Variants in RANBP2 observed in about 807,000 individuals in gnomAD.
RANBP2 encodes E3 SUMO-protein ligase RanBP2.
In RANBP2, 57 loss-of-function variants were observed where a neutral mutation model predicts 303.6. That is an observed-to-expected ratio of 0.19 (90% CI 0.15 to 0.23). The LOEUF (loss-of-function observed/expected upper bound fraction) is 0.23, where lower values mean the gene tolerates loss of function less well. Ranked by LOEUF, RANBP2 falls within the 10% of genes least tolerant of loss-of-function variation. RANBP2 has a pLI of 1.00. For synonymous variants in RANBP2, 1,167 were observed against 1,301.5 expected, an observed-to-expected ratio of 0.90 and a Z score of 2.23; for missense variants, 3,138 against 3,780.8, an observed-to-expected ratio of 0.83 and a Z score of 4.46.
the RANBP2 span, among the ~76,000 whole-genome samples, chr2:108,973,028 C>T: frequency 1.3e-5 from 2 of 152,010 alleles, no homozygotes; most frequent in African/African-American, 4.8e-5. Flanking sequence ...CTCTTGTCAT[C>T]CAGGCTAGAC....
At chr2:109,372,151 G>A in the RANBP2 span, among the ~76,000 whole-genome samples, 9 of 152,226 alleles carry the variant, frequency 5.9e-5, no homozygotes, top group Admixed American at 2.0e-4. Context: ...CAGGGTTATT[G>A]GGCAACTCTT....
chr2:109,015,498 C>T, the RANBP2 span, among the ~76,000 whole-genome samples: 1 of 152,162 alleles, frequency 6.6e-6, no homozygotes, highest in African/African-American at 2.4e-5. Context: ...TGGCTCATGC[C>T]TGTATTCCCA....
chr2:109,573,502 A>G, the RANBP2 span, among the ~76,000 whole-genome samples: 2 of 152,170 alleles, frequency 1.3e-5, no homozygotes, highest in Non-Finnish European at 2.9e-5. Flanking sequence ...AGCTACATCA[A>G]TTTTTGCTAA....
the RANBP2 span, among the ~76,000 whole-genome samples, chr2:108,992,343 G>C: frequency 2.0e-5 from 3 of 152,206 alleles, no homozygotes; most frequent in African/African-American, 7.2e-5. Context: ...GAGGCATAGA[G>C]TAATCAAGTT....
chr2:108,764,671 C>T lies in RANBP2; in HGVS notation c.4132C>T (p.Leu1378=). ...TAKKCVSCQN[L]NPSNKELVGP... is the part of the protein sequence containing the mutation. ...TAAGAAATGTGTATCATGCCAAAATCTAAACCCAAGCAATAAAGAGCTCGT... is the reference window on the plus strand; with the variant it reads ...TAAGAAATGTGTATCATGCCAAAATTTAAACCCAAGCAATAAAGAGCTCGT... The change falls in exon 20 of 29, where the codon CTA becomes TTA. Residue 1378 remains leucine (L), a synonymous_variant. Transcript: ENST00000283195. 2.5e-6 allele frequency: 4 copies of T among 1,614,038 alleles called. No individual in the cohort carries two copies. Among genetic ancestry groups the T allele is most frequent in the Non-Finnish European group, 3.4e-6 (4 of 1,179,966 alleles).
At chr2:109,625,269 C>A in the RANBP2 span, among the ~76,000 whole-genome samples, 1 of 151,904 alleles carries the variant, frequency 6.6e-6, no homozygotes, top group Admixed American at 6.6e-5. Flanking sequence ...TTTGTAATAG[C>A]AGCAGAAAAG....
At chr2:109,345,898 TTA>T in the RANBP2 span, among the ~76,000 whole-genome samples, 7 of 152,314 alleles carry the variant, frequency 4.6e-5, no homozygotes, top group African/African-American at 1.7e-4. Flanking sequence ...TCTTTACTTG[TTA>T]CATGTTGGTA....
the RANBP2 span, among the ~76,000 whole-genome samples, chr2:109,045,918 C>T: frequency 1.3e-5 from 2 of 152,180 alleles, no homozygotes; most frequent in African/African-American, 2.4e-5. Flanking sequence ...GGGTGTGGGG[C>T]TCTGGACAAG....
At chr2:109,477,616 GTGT>G in the RANBP2 span, among the ~76,000 whole-genome samples, 4 of 32,620 alleles carry the variant, frequency 1.2e-4, no homozygotes, top group South Asian at 8.3e-4. Flanking sequence ...ACAGATGGGT[GTGT>G]GTGTGTGTGT....
intron 1 of RANBP2, among the ~76,000 whole-genome samples, chr2:108,726,412 CT>C (rs1010241856): frequency 8.7e-5 from 13 of 149,540 alleles, no homozygotes; most frequent in Non-Finnish European, 1.5e-4. Context: ...ATAGTGCTTC[CT>C]TTAAGTGAAG....
chr2:109,207,597 A>G, the RANBP2 span, among the ~76,000 whole-genome samples: 1 of 152,204 alleles, frequency 6.6e-6, no homozygotes, highest in African/African-American at 2.4e-5. Flanking sequence ...AATTGTGGAA[A>G]ATAAAGATGC....
At chr2:109,080,041 T>A in the RANBP2 span, among the ~76,000 whole-genome samples, 1 of 152,150 alleles carries the variant, frequency 6.6e-6, no homozygotes, top group Non-Finnish European at 1.5e-5. Context: ...GCTCTAAGCA[T>A]CTCCTCCGAT....
At chr2:109,024,733 C>T in the RANBP2 span, among the ~76,000 whole-genome samples, 4 of 152,108 alleles carry the variant, frequency 2.6e-5, no homozygotes, top group African/African-American at 9.7e-5. Flanking sequence ...TAGTCTTGGA[C>T]GTGTGCACCT....
the RANBP2 span, among the ~76,000 whole-genome samples, chr2:109,104,925 G>A: frequency 1.3e-5 from 2 of 152,218 alleles, no homozygotes; most frequent in Non-Finnish European, 2.9e-5. Context: ...CATGAGGGAG[G>A]CACTGTCATG....
the RANBP2 span, among the ~76,000 whole-genome samples, chr2:108,797,548 G>A: frequency 6.6e-6 from 1 of 152,030 alleles, no homozygotes; most frequent in Admixed American, 6.6e-5. Context: ...AGTGGGTGGG[G>A]CCAAGAGAGA....
chr2:109,147,691 C>A, the RANBP2 span, among the ~76,000 whole-genome samples: 1 of 152,148 alleles, frequency 6.6e-6, no homozygotes. Flanking sequence ...TGTATAGTTT[C>A]CGGCTTCTGG....
At chr2:109,561,731 TCAC>T in the RANBP2 span, among the ~76,000 whole-genome samples, 1 of 152,196 alleles carries the variant, frequency 6.6e-6, no homozygotes, top group Non-Finnish European at 1.5e-5. Context: ...TCAATAACGA[TCAC>T]CACCAGTCAC....
the RANBP2 span, among the ~76,000 whole-genome samples, chr2:109,452,244 G>A: frequency 1.3e-5 from 2 of 152,186 alleles, no homozygotes; most frequent in Non-Finnish European, 2.9e-5. Context: ...TGGGCTAGGG[G>A]GCTGCAGCCA....
chr2:109,300,361 G>A, the RANBP2 span, among the ~76,000 whole-genome samples: 13 of 152,054 alleles, frequency 8.5e-5, no homozygotes. Flanking sequence ...TGTATTTTTA[G>A]TAGAGATGGG....
Sources: allele counts gnomAD v4.1 joint callset (sites outside exome capture counted in the v4.1 genomes callset), GRCh38; gene constraint gnomAD v4.1.1; transcripts MANE v1.5; gene names NCBI Gene and HGNC (gene_info 2026-07-23, HGNC 2026-07-21).